The following SPOCK3 variants were observed in gnomAD, a reference collection of about 807,000 sequenced individuals.
SPOCK3 encodes testican-3.
SPOCK3 carries 30 observed loss-of-function variants against 56.6 expected under a neutral mutation model. The ratio of observed to expected loss-of-function variants is 0.53; its 90% CI spans 0.40 to 0.72. SPOCK3 has a LOEUF of 0.72. SPOCK3 is among the 30% of genes least tolerant of loss of function. SPOCK3 has a pLI of 0.00. For missense variants in SPOCK3, 527 were observed against 530.0 expected, an observed-to-expected ratio of 0.99 and a Z score of 0.06; for synonymous variants, 196 against 183.3, an observed-to-expected ratio of 1.07 and a Z score of -0.56.
chr4:167,205,358 ATATTATATATTTTATATATATAAT>A (rs1734057299), intron 2 of SPOCK3, among the ~76,000 whole-genome samples: 3 of 37,762 alleles, frequency 7.9e-5, no homozygotes, highest in African/African-American at 4.4e-4. Context: ...TATAATATAT[ATATTATATATTTTATATATATAAT>A]ATATATATTT....
chr4:166,912,010 A>T (rs1213230811), intron 5 of SPOCK3, among the ~76,000 whole-genome samples: 1 of 152,156 alleles, frequency 6.6e-6, no homozygotes, highest in Non-Finnish European at 1.5e-5. Flanking sequence ...AGCTAAGGAA[A>T]TTTATCAATG....
Position 166,932,087 on chromosome 4 carries a change from A to G in SPOCK3, c.351-19344T>C, listed in dbSNP as rs147034746. Among the ~76,000 whole-genome samples, 13 of 152,334 alleles carry G rather than the reference A, an allele frequency of 8.5e-5. No individual in the cohort carries two copies. The East Asian group carries it at 2.5e-3, about 29-fold the overall frequency. ...ACCATTATTGCTTTCAGAATAATGC[A>G]TTTGACATGCATATTTTAAGAATAC... On this transcript the variant is annotated intron_variant, in intron 4 of 10. Coordinates refer to ENST00000357545, the MANE Select transcript of SPOCK3 (RefSeq NM_001040159.2).
rs576551768 is a variant in SPOCK3, at chr4:166,881,163, A to C, written c.589+7967T>G. 4.6e-5 allele frequency among the ~76,000 whole-genome samples: 7 copies of C among 152,206 alleles called. No homozygotes were observed. The East Asian group carries it at 1.2e-3, about 25-fold the overall frequency. The stretch of plus-strand genomic sequence containing the variant: ...TTACTTTTGTAATGTTTTTGAAATT[A>C]AAAAATTCACAGGCATAGTTTACAT... On this transcript the variant is annotated intron_variant, in intron 6 of 10. Coordinates refer to ENST00000357545, the MANE Select transcript of SPOCK3 (RefSeq NM_001040159.2).
chr4:166,977,030 T>G (rs546110154), intron 4 of SPOCK3, among the ~76,000 whole-genome samples: 31 of 152,168 alleles, frequency 2.0e-4, no homozygotes, highest in African/African-American at 5.8e-4. Flanking sequence ...GAGCAAAAAT[T>G]TAAGCCAGTC....
chr4:166,955,569 TAATATAATTA>T (rs1426973768), intron 4 of SPOCK3, among the ~76,000 whole-genome samples: 4 of 145,082 alleles, frequency 2.8e-5, no homozygotes, highest in African/African-American at 1.0e-4. Flanking sequence ...TTATTAAATT[TAATATAATTA>T]AATTATATTA....
chr4:167,020,614 G>A (rs75832333), intron 3 of SPOCK3, among the ~76,000 whole-genome samples: 2,195 of 152,122 alleles, frequency 0.014, 31 homozygotes, highest in Non-Finnish European at 0.024. Flanking sequence ...TATGGGGGCA[G>A]AGCAAGAGGA....
At position 166,924,882 on chromosome 4, in the gene SPOCK3, T is replaced by A. The variant is rs182754626; in HGVS notation, c.351-12139A>T. ...GACTTTTGATAAAATAATAACACTT[T>A]TTTACTCTCATTTGTTTCTCTTGTT... is the stretch of plus-strand genomic sequence containing the variant. On this transcript the variant is annotated intron_variant, in intron 4 of 10. Transcript: ENST00000357545. Among the ~76,000 whole-genome samples, 171 of 152,350 alleles carry A rather than the reference T, an allele frequency of 1.1e-3. 1 individual carries two copies. Among genetic ancestry groups the A allele is most frequent in the Middle Eastern group, 6.8e-3 (2 of 294 alleles).
Position 167,198,290 on chromosome 4 carries a change from C to T in SPOCK3, c.189+35695G>A, listed in dbSNP as rs1017882826. Among the ~76,000 whole-genome samples, 4 of 152,198 alleles carry T rather than the reference C, an allele frequency of 2.6e-5. No individual in the cohort carries two copies. The South Asian group carries it at 8.3e-4, about 32-fold the overall frequency. On this transcript the variant is annotated intron_variant, in intron 2 of 10. Coordinates refer to ENST00000357545, the MANE Select transcript of SPOCK3 (RefSeq NM_001040159.2). ...CTTTCTGTGGAGGTTCCTGTCACAA[C>T]CCCCAAAGCCAGACTAGAATATCTG...
chr4:167,132,451 G>A (rs1337749709), intron 2 of SPOCK3, among the ~76,000 whole-genome samples: 4 of 152,124 alleles, frequency 2.6e-5, no homozygotes, highest in Non-Finnish European at 5.9e-5. Flanking sequence ...AGGTCTTTAA[G>A]ATTATACAGT....
In SPOCK3 at chr4:167,234,141, A is replaced by C. The variant is rs557659762; in HGVS notation, c.33T>G (p.Cys11Trp). 1 of 1,611,678 alleles carries C rather than the reference A, an allele frequency of 6.2e-7. No individual in the cohort carries two copies. Among genetic ancestry groups the C allele is most frequent in the East Asian group, 2.2e-5 (1 of 44,792 alleles). ...GAGACTGACTGCACCAAGCGGCTGC[A>C]CACACACACAGTACGGCTGACACCT... Reference protein sequence around the residue: MLKVSAVLCVCAAAWCSQSLA... With the variant: MLKVSAVLCVWAAAWCSQSLA... Residue 11 changes from cysteine (C) to tryptophan (W), a missense_variant, in exon 2 of 11, where the codon TGT becomes TGG. Physicochemically the swap from Cys to Trp is radical, Grantham distance 215 (BLOSUM62 -2). Transcript: ENST00000357545.
chr4:167,107,089 G>A (rs1760229661), intron 2 of SPOCK3, among the ~76,000 whole-genome samples: 1 of 151,662 alleles, frequency 6.6e-6, no homozygotes, highest in Admixed American at 6.6e-5. Context: ...AAGAACTAAT[G>A]TAAATCCTAC....
intron 2 of SPOCK3, among the ~76,000 whole-genome samples, chr4:167,118,673 TTA>T: frequency 6.6e-6 from 1 of 152,258 alleles, no homozygotes; most frequent in African/African-American, 2.4e-5. Flanking sequence ...TCATGTACAG[TTA>T]TTCTTGAAGA....
At chr4:167,062,591 G>A in intron 2 of SPOCK3, 54 bp from the exon 3 acceptor site, 2 of 1,380,060 alleles carry the variant, frequency 1.4e-6, no homozygotes, top group South Asian at 2.6e-5. Flanking sequence ...AAACGCAAGG[G>A]TTCATATAAA....
At chr4:167,202,652 T>G (rs759254982) in intron 2 of SPOCK3, among the ~76,000 whole-genome samples, 40 of 151,572 alleles carry the variant, frequency 2.6e-4, no homozygotes, top group Admixed American at 7.9e-4. Context: ...CAATCTCAAC[T>G]GTGAAGGGTA....
rs549714651 is a variant in SPOCK3 at position 166,901,171 on chromosome 4, C to G, written c.474+11449G>C. ...CCATCAGACGTCTTTCCCACCTCCC[C>G]TCTCATTCTGTGGGGTGAATGAATG... On this transcript the variant is annotated intron_variant, in intron 5 of 10. Transcript: ENST00000357545. Among the ~76,000 whole-genome samples the G allele has an allele frequency of 1.4e-3, 213 of 152,264 alleles. 1 individual carries two copies. Among genetic ancestry groups the G allele is most frequent in the African/African-American group, 4.8e-3 (199 of 41,578 alleles).
chr4:166,774,340 TAAAGG>T (rs1197437670), intron 7 of SPOCK3, among the ~76,000 whole-genome samples: 1 of 152,186 alleles, frequency 6.6e-6, no homozygotes. Flanking sequence ...TATCAGGTTT[TAAAGG>T]CTTCATCTAT....
At chr4:167,034,566 C>T (rs1580072218) in intron 3 of SPOCK3, among the ~76,000 whole-genome samples, 1 of 152,188 alleles carries the variant, frequency 6.6e-6, no homozygotes, top group East Asian at 1.9e-4. Context: ...TTTTTATCAG[C>T]TCAGCAAGAC....
At chr4:167,026,053 G>T (rs1751671796) in intron 3 of SPOCK3, among the ~76,000 whole-genome samples, 1 of 152,058 alleles carries the variant, frequency 6.6e-6, no homozygotes, top group African/African-American at 2.4e-5. Context: ...CGTTACCATG[G>T]CTATGACATC....
chr4:166,974,587 CTA>C (rs1374132789), intron 4 of SPOCK3, among the ~76,000 whole-genome samples: 2 of 152,066 alleles, frequency 1.3e-5, no homozygotes, highest in Non-Finnish European at 2.9e-5. Context: ...GTCTCTTTCT[CTA>C]TATGTGTGTA....
Sources: allele counts gnomAD v4.1 joint callset (sites outside exome capture counted in the v4.1 genomes callset), GRCh38; gene constraint gnomAD v4.1.1; transcripts MANE v1.5; gene names NCBI Gene and HGNC (gene_info 2026-07-23, HGNC 2026-07-21).